Variants in CDH23 observed in about 807,000 individuals in gnomAD.
The protein encoded by CDH23 is cadherin-23.
Under a neutral mutation model 317.1 loss-of-function variants are expected in CDH23, and 189 were observed. The ratio of observed to expected loss-of-function variants is 0.60; its 90% confidence interval spans 0.53 to 0.67. The LOEUF is 0.67. Ranked by LOEUF, CDH23 falls within the 30% of genes least tolerant of loss-of-function variation. The pLI, the probability that CDH23 is intolerant of heterozygous loss-of-function variation, is 0.00. For missense variants in CDH23, 4,401 were observed against 4,592.4 expected, an observed-to-expected ratio of 0.96 and a Z score of 1.20; for synonymous variants, 1,839 against 1,876.8, an observed-to-expected ratio of 0.98 and a Z score of 0.52.
intron 3 of CDH23, among the ~76,000 whole-genome samples, chr10:71,492,604 A>T (rs1012662247): frequency 6.6e-6 from 1 of 152,304 alleles, no homozygotes; most frequent in East Asian, 1.9e-4. Context: ...AAACACTAGA[A>T]CCAGGTCACT....
At chr10:71,541,896 C>A (rs1856008856) in intron 6 of CDH23, among the ~76,000 whole-genome samples, 1 of 152,206 alleles carries the variant, frequency 6.6e-6, no homozygotes. Context: ...AAATATTATT[C>A]TTCTTTTGAT....
chr10:71,709,523 AAC>A (rs1261905964), intron 27 of CDH23, among the ~76,000 whole-genome samples: 2 of 152,230 alleles, frequency 1.3e-5, no homozygotes, highest in African/African-American at 4.8e-5. Context: ...CAGTGGTGCA[AAC>A]ACAGAGTGGG....
At chr10:71,625,062 G>A (rs539803564) in intron 11 of CDH23, among the ~76,000 whole-genome samples, 152 of 152,142 alleles carry the variant, frequency 1.0e-3, no homozygotes, top group African/African-American at 3.3e-3. Context: ...TGGGGAAAAC[G>A]GCTCTGAATA....
intron 41 of CDH23, 121 bp from the exon 42 acceptor site, chr10:71,784,166 G>A: frequency 9.4e-7 from 1 of 1,065,050 alleles, no homozygotes; most frequent in South Asian, 1.7e-5. Context: ...GGAGGACCCG[G>A]GCCCCAGCTG....
At chr10:71,432,535 TGA>T (rs961676933) in intron 1 of CDH23, among the ~76,000 whole-genome samples, 8 of 151,912 alleles carry the variant, frequency 5.3e-5, no homozygotes, top group African/African-American at 1.7e-4. Context: ...GGTGAGTGTG[TGA>T]GAGAGTGTGT....
intron 22 of CDH23, among the ~76,000 whole-genome samples, chr10:71,698,163 A>G (rs552799261): frequency 1.3e-4 from 20 of 152,354 alleles, no homozygotes; most frequent in Non-Finnish European, 1.8e-4. Flanking sequence ...CCAGTTACGT[A>G]TGATGATTGC....
At chr10:71,670,994 C>T (rs564622340) in intron 14 of CDH23, among the ~76,000 whole-genome samples, 1 of 147,368 alleles carries the variant, frequency 6.8e-6, no homozygotes, top group South Asian at 2.2e-4. Flanking sequence ...CAGGGTCTCA[C>T]TGTCACACAG....
In CDH23 at chr10:71,798,330, C is replaced by T. The variant is rs767060233; in HGVS notation, c.6830-24C>T. ...GCCACACTAGTGTCCTTCCCCTCTC[C>T]CTCACTCCCTGCCTCCACCACAGCC... On this transcript the variant is annotated intron_variant, in intron 49 of 69. Coordinates refer to ENST00000224721, the MANE Select transcript of CDH23 (RefSeq NM_022124.6). 52 of 1,576,186 alleles carry T rather than the reference C, an allele frequency of 3.3e-5. 2 individuals are homozygous for T. The South Asian group carries it at 5.3e-4, about 16-fold the overall frequency.
intron 6 of CDH23, among the ~76,000 whole-genome samples, chr10:71,564,068 A>C (rs1034477691): frequency 1.3e-5 from 2 of 152,178 alleles, no homozygotes; most frequent in African/African-American, 4.8e-5. Context: ...TCCCAGGGGA[A>C]AGTTCCAGAC....
At chr10:71,701,415 C>T (rs16929231) in intron 22 of CDH23, among the ~76,000 whole-genome samples, 5,503 of 152,180 alleles carry the variant, frequency 0.036, 299 homozygotes, top group East Asian at 0.19. Context: ...GGTTCACCGC[C>T]CCTGGGTTAG....
chr10:71,646,068 C>A, intron 13 of CDH23, 88 bp downstream of exon 13: 1 of 1,467,878 alleles, frequency 6.8e-7, no homozygotes, highest in Non-Finnish European at 9.3e-7. Flanking sequence ...CCCTTAGATC[C>A]CACCTTCCAC....
intron 25 of CDH23, 33 bp downstream of exon 25, chr10:71,705,163 C>T (rs759277430): frequency 2.0e-5 from 32 of 1,579,738 alleles, no homozygotes; most frequent in Admixed American, 3.5e-5. Context: ...GCTGTGTGCT[C>T]AGTGTGTGGG....
chr10:71,643,176 A>T (rs766585278), intron 11 of CDH23, among the ~76,000 whole-genome samples: 12 of 152,230 alleles, frequency 7.9e-5, no homozygotes, highest in Non-Finnish European at 1.6e-4. Flanking sequence ...CAATGTGCAT[A>T]GCATGCTGTT....
chr10:71,746,490 G>A (rs940993986), intron 38 of CDH23, among the ~76,000 whole-genome samples: 1 of 152,244 alleles, frequency 6.6e-6, no homozygotes, highest in Non-Finnish European at 1.5e-5. Flanking sequence ...GCCACACAAT[G>A]GTGTGCCACT....
chr10:71,783,256 T>C (rs1841005127), intron 41 of CDH23, among the ~76,000 whole-genome samples: 1 of 152,156 alleles, frequency 6.6e-6, no homozygotes, highest in African/African-American at 2.4e-5. Context: ...CCCCCACCAT[T>C]CTTGCCTCTC....
At chr10:71,509,240 C>T (rs901220446) in intron 3 of CDH23, among the ~76,000 whole-genome samples, 2 of 152,238 alleles carry the variant, frequency 1.3e-5, no homozygotes, top group Non-Finnish European at 2.9e-5. Context: ...AGCACCTGGT[C>T]ACTCTTGAAT....
intron 38 of CDH23, among the ~76,000 whole-genome samples, chr10:71,762,990 C>T (rs1840433945): frequency 6.6e-6 from 1 of 152,074 alleles, no homozygotes; most frequent in African/African-American, 2.4e-5. Flanking sequence ...GGATAGAGGC[C>T]GCGTTTCTAT....
At chr10:71,511,862 G>A (rs1854008961) in intron 6 of CDH23, 1 of 155,004 alleles carries the variant, frequency 6.5e-6, no homozygotes, top group Non-Finnish European at 1.4e-5. Context: ...GGTGGCTGAT[G>A]GCAGTCTTAT....
intron 3 of CDH23, among the ~76,000 whole-genome samples, chr10:71,459,350 T>C (rs149434354): frequency 0.017 from 2,658 of 152,186 alleles, 79 homozygotes; most frequent in African/African-American, 0.06. Flanking sequence ...CACTTTGGCC[T>C]CCCAAAGTGG....
Sources: gnomAD v4.1 joint callset for allele counts (sites outside exome capture counted in the v4.1 genomes callset) on GRCh38, gnomAD v4.1.1 for gene constraint, MANE v1.5 for transcripts, NCBI Gene and HGNC (gene_info 2026-07-23, HGNC 2026-07-21) for gene names.